ATP8B1: variants seen among roughly 807,000 people sequenced by gnomAD.
The protein encoded by ATP8B1 is phospholipid-transporting ATPase IC.
Under a neutral mutation model 149.9 loss-of-function variants are expected in ATP8B1, and 80 were observed. The ratio of observed to expected loss-of-function variants is 0.53; its 90% confidence interval spans 0.45 to 0.64. The LOEUF is 0.64. Ranked by LOEUF, ATP8B1 falls within the 30% of genes least tolerant of loss-of-function variation. ATP8B1 has a pLI of 0.00. For missense variants in ATP8B1, 1,247 were observed against 1,552.6 expected (o/e 0.80, Z 3.31); for synonymous variants, 536 against 562.8 (o/e 0.95, Z 0.67).
rs529533460 is a variant in ATP8B1, at chr18:57,681,087, T to C, written c.1630+2949A>G. ...GACCTTAAAATAGATTATCCAGGTG[T>C]TCCTGACTGAATTAGATGAGCTTAG... On this transcript the variant is annotated intron_variant, in intron 15 of 27. Transcript: ENST00000648908. 4.8e-4 allele frequency among the ~76,000 whole-genome samples: 73 copies of C among 152,288 alleles called. No individual in the cohort carries two copies. In the South Asian group the frequency reaches 0.013, roughly 28 times the overall value.
chr18:57,721,499 A>G (rs2079646234), intron 2 of ATP8B1, among the ~76,000 whole-genome samples: 1 of 151,762 alleles, frequency 6.6e-6, no homozygotes, highest in African/African-American at 2.4e-5. Context: ...AGAGACAAAG[A>G]AGGCCATTAC....
In ATP8B1 at chr18:57,668,552, A is replaced by C; in HGVS notation, c.2098-12T>G. 2 of 1,316,650 alleles carry C rather than the reference A, an allele frequency of 1.5e-6. No individual in the cohort carries two copies. The highest frequency in any genetic ancestry group is 1.0e-6 in the Non-Finnish European group (1 of 961,518). The allele number at this position is 1,316,650 out of a possible 1,614,324, so 81.6% of individuals were successfully genotyped here. A position where few individuals can be genotyped will look rare whatever the true frequency, so the allele number is the denominator to read the frequency against. Reference sequence around the variant, plus strand: ...GTAGCTCCCAGGAGCTAGAATGTATATTAAAAAAAAAAAAAAAAGGAATTA... The same window carrying C: ...GTAGCTCCCAGGAGCTAGAATGTATCTTAAAAAAAAAAAAAAAAGGAATTA... On this transcript the variant is annotated splice_polypyrimidine_tract_variant and intron_variant, in intron 18 of 27. Transcript: ENST00000648908.
intron 13 of ATP8B1, 70 bp downstream of exon 13, chr18:57,688,229 G>T: frequency 6.6e-7 from 1 of 1,504,430 alleles, no homozygotes; most frequent in East Asian, 2.3e-5. Context: ...ACAGGCTATA[G>T]TCCAAGTAAT....
chr18:57,694,999 C>T (rs921568482), intron 10 of ATP8B1, among the ~76,000 whole-genome samples, 172 bp downstream of exon 10: 1 of 135,622 alleles, frequency 7.4e-6, no homozygotes, highest in Non-Finnish European at 1.5e-5. Context: ...CACTGCACTC[C>T]AGCCTGGGCT....
chr18:57,765,307 T>G (rs1228394822), intron 1 of ATP8B1, among the ~76,000 whole-genome samples: 2 of 152,116 alleles, frequency 1.3e-5, no homozygotes, highest in African/African-American at 4.8e-5. Flanking sequence ...GAGAAGAACT[T>G]CTGGAGGTGG....
At chr18:57,743,550 T>C (rs893785469) in intron 1 of ATP8B1, among the ~76,000 whole-genome samples, 3 of 152,126 alleles carry the variant, frequency 2.0e-5, no homozygotes, top group African/African-American at 4.8e-5. Flanking sequence ...GTTTTTGAGC[T>C]GGGCAACCTG....
intron 2 of ATP8B1, among the ~76,000 whole-genome samples, chr18:57,722,192 A>G (rs865917972): frequency 3.3e-5 from 5 of 151,300 alleles, no homozygotes; most frequent in South Asian, 2.1e-4. Flanking sequence ...AAAGAAGTAG[A>G]AAAGCAAGAG....
At chr18:57,724,332 A>C (rs1301567014) in intron 2 of ATP8B1, among the ~76,000 whole-genome samples, 38 of 146,020 alleles carry the variant, frequency 2.6e-4, no homozygotes, top group South Asian at 4.5e-4. Flanking sequence ...AATGGGAGAA[A>C]ATTTTCGCAA....
rs760963186 is a variant in ATP8B1 at position 57,703,557 on chromosome 18, CAA to C, written c.393+996_393+997del. The stretch of plus-strand genomic sequence containing the variant: ...TGCCACTGCACTCCAGCCTGGACGA[CAA>C]GAGCGAAACACGGTCTCAAAAAAAA... On this transcript the variant is annotated intron_variant, in intron 4 of 27. Coordinates refer to ENST00000648908, the MANE Select transcript of ATP8B1 (RefSeq NM_001374385.1). 3.3e-3 allele frequency among the ~76,000 whole-genome samples: 418 copies of C among 127,782 alleles called. 8 individuals are homozygous for C. The highest frequency in any genetic ancestry group is 3.3e-4 in the Non-Finnish European group (21 of 63,372). The allele number at this position is 127,782 out of a possible 152,430, so 83.8% of individuals were successfully genotyped here.
chr18:57,652,190 A>G lies in ATP8B1; in HGVS notation c.3262-18T>C. The G allele has an allele frequency of 6.2e-7, 1 of 1,613,942 alleles. No homozygotes were observed. Among genetic ancestry groups the G allele is most frequent in the South Asian group, 1.1e-5 (1 of 91,078 alleles). On this transcript the variant is annotated intron_variant, in intron 25 of 27. Coordinates refer to ENST00000648908, the MANE Select transcript of ATP8B1 (RefSeq NM_001374385.1). ...AAGCCAATCTGTTGGGAAACCAGAGAAAAACAGAGCACTCATTTTGGGGAG... is the reference window on the plus strand; with the variant it reads ...AAGCCAATCTGTTGGGAAACCAGAGGAAAACAGAGCACTCATTTTGGGGAG...
chr18:57,744,086 G>A (rs978156980), intron 1 of ATP8B1, among the ~76,000 whole-genome samples: 1 of 152,038 alleles, frequency 6.6e-6, no homozygotes, highest in East Asian at 1.9e-4. Context: ...AGGCCAAGGT[G>A]GGCTGACTGC....
intron 15 of ATP8B1, among the ~76,000 whole-genome samples, chr18:57,676,895 G>T (rs563161319): frequency 2.0e-5 from 3 of 151,454 alleles, no homozygotes; most frequent in African/African-American, 7.3e-5. Flanking sequence ...GCCTATAATT[G>T]CAACTATTCA....
intron 16 of ATP8B1, among the ~76,000 whole-genome samples, chr18:57,672,893 T>C (rs1195168365): frequency 1.7e-4 from 5 of 28,908 alleles, no homozygotes; most frequent in African/African-American, 4.5e-4. Context: ...AAAGTATATA[T>C]ATATATATAT....
intron 16 of ATP8B1, 93 bp downstream of exon 16, chr18:57,674,741 T>C (rs1911488141): frequency 7.0e-7 from 1 of 1,434,874 alleles, no homozygotes; most frequent in South Asian, 1.2e-5. Flanking sequence ...AGTAGCTCTT[T>C]CACTGGCTGC....
intron 1 of ATP8B1, among the ~76,000 whole-genome samples, chr18:57,778,356 G>C (rs1230651583): frequency 2.0e-5 from 3 of 151,240 alleles, no homozygotes; most frequent in Non-Finnish European, 3.0e-5. Context: ...CTCGGGAGCA[G>C]CTGGGACTAC....
chr18:57,726,719 T>G (rs1254176831), intron 2 of ATP8B1, among the ~76,000 whole-genome samples: 1 of 152,216 alleles, frequency 6.6e-6, no homozygotes, highest in Non-Finnish European at 1.5e-5. Flanking sequence ...TACCCAAGGT[T>G]CAATCATAAA....
intron 16 of ATP8B1, among the ~76,000 whole-genome samples, chr18:57,673,803 A>C (rs1207665783): frequency 6.6e-6 from 1 of 152,132 alleles, no homozygotes; most frequent in Non-Finnish European, 1.5e-5. Flanking sequence ...GATTATTTCA[A>C]ATTACGAATT....
intron 1 of ATP8B1, among the ~76,000 whole-genome samples, chr18:57,780,112 T>C (rs1447994420): frequency 6.6e-6 from 1 of 152,174 alleles, no homozygotes. Flanking sequence ...TTTCACAAAT[T>C]TGTCTGTCTG....
At chr18:57,707,810 T>C (rs1913484268) in intron 2 of ATP8B1, among the ~76,000 whole-genome samples, 1 of 150,338 alleles carries the variant, frequency 6.7e-6, no homozygotes, top group Non-Finnish European at 1.5e-5. Flanking sequence ...CCTGGCAAAA[T>C]GATGTATTTT....
Sources: gnomAD v4.1 joint callset for allele counts (sites outside exome capture counted in the v4.1 genomes callset) on GRCh38, gnomAD v4.1.1 for gene constraint, MANE v1.5 for transcripts, NCBI Gene and HGNC (gene_info 2026-07-23, HGNC 2026-07-21) for gene names.